The following ANO10 variants were observed in gnomAD, a reference collection of about 807,000 sequenced individuals.
The protein encoded by ANO10 is anoctamin 10.
Under a neutral mutation model 74.7 loss-of-function variants are expected in ANO10, and 77 were observed. The observed-to-expected ratio is 1.03, with a 90% CI of 0.86 to 1.25. ANO10 has a LOEUF of 1.25. Among genes scored for constraint, ANO10 ranks in the 50% most tolerant of loss-of-function variants. ANO10 has a pLI of 0.00. For missense variants in ANO10, 721 were observed against 778.1 expected, an observed-to-expected ratio of 0.93 and a Z score of 0.87; for synonymous variants, 279 against 284.9, an observed-to-expected ratio of 0.98 and a Z score of 0.21.
rs567407396 is a variant in ANO10 at position 43,656,328 on chromosome 3, A to G, written c.-12+35189T>C. 4.8e-4 allele frequency among the ~76,000 whole-genome samples: 73 copies of G among 152,356 alleles called. 1 individual carries two copies. The highest frequency in any genetic ancestry group is 1.7e-3 in the African/African-American group (70 of 41,588). On this transcript the variant is annotated intron_variant, in intron 1 of 3. Coordinates refer to the ANO10 transcript ENST00000413397. ...CCTGAGCTAGACATAAAGGTTCTCC[A>G]CGTCCCCACCAGACTCAGGAGCCCA...
At position 43,595,752 on chromosome 3, in the gene ANO10, T is replaced by C. The variant is rs143118418; in HGVS notation, c.472+2780A>G. On this transcript the variant is annotated intron_variant, in intron 4 of 12. Coordinates refer to ENST00000292246, the MANE Select transcript of ANO10 (RefSeq NM_018075.5). The stretch of plus-strand genomic sequence containing the variant: ...CTCCTATTCAACATAGTGTTGGAAG[T>C]TCTGGCCAGGGCAATCAGGCAGGAG... 7.5e-3 allele frequency among the ~76,000 whole-genome samples: 1,141 copies of C among 152,252 alleles called. 15 individuals carry two copies. The highest frequency in any genetic ancestry group is 0.026 in the African/African-American group (1,068 of 41,534).
chr3:43,487,218 G>A (rs943720436), intron 11 of ANO10, among the ~76,000 whole-genome samples: 1 of 151,606 alleles, frequency 6.6e-6, no homozygotes, highest in African/African-American at 2.4e-5. Context: ...GTATTTTATT[G>A]AGGATTTTTG....
At chr3:43,554,598 C>A (rs1386839985) in intron 10 of ANO10, among the ~76,000 whole-genome samples, 2 of 152,140 alleles carry the variant, frequency 1.3e-5, no homozygotes, top group Non-Finnish European at 2.9e-5. Context: ...ACCATTCCAG[C>A]AAGGGAAGAG....
Position 43,366,664 on chromosome 3 carries a change from G to C in ANO10, c.*242C>G. On this transcript the variant is annotated 3_prime_UTR_variant, in exon 13 of 13. Coordinates refer to ENST00000292246, the MANE Select transcript of ANO10 (RefSeq NM_018075.5). ...AAGTTGGCAGCTGGAGCAGCGTGTGGGGCCCGGGAAGGAACTGGGAAGGAG... is the reference window on the plus strand; with the variant it reads ...AAGTTGGCAGCTGGAGCAGCGTGTGCGGCCCGGGAAGGAACTGGGAAGGAG... 1.7e-6 allele frequency: 1 copy of C among 582,186 alleles called. No homozygotes were observed. The highest frequency in any genetic ancestry group is 2.0e-5 in the South Asian group (1 of 51,004). 36.1% of individuals were successfully genotyped at this position (582,186 alleles called of 1,614,324 possible).
chr3:43,544,654 G>A (rs186660650), intron 11 of ANO10, among the ~76,000 whole-genome samples: 6 of 152,022 alleles, frequency 3.9e-5, no homozygotes, highest in Admixed American at 6.6e-5. Context: ...TTAGCCAAGC[G>A]TGGTGGTGTG....
intron 11 of ANO10, among the ~76,000 whole-genome samples, chr3:43,483,177 T>C (rs138935584): frequency 6.6e-6 from 1 of 152,310 alleles, no homozygotes; most frequent in African/African-American, 2.4e-5. Context: ...TGATCATTCG[T>C]TTTTAAGAAA....
At chr3:43,485,894 C>T (rs1473758725) in intron 11 of ANO10, 7 of 249,890 alleles carry the variant, frequency 2.8e-5, no homozygotes, top group Non-Finnish European at 2.4e-5. Flanking sequence ...GTCCTCTCCG[C>T]GCTCACCGCC....
At chr3:43,429,324 G>A (rs1313175654) in intron 12 of ANO10, among the ~76,000 whole-genome samples, 1 of 152,058 alleles carries the variant, frequency 6.6e-6, no homozygotes, top group East Asian at 1.9e-4. Flanking sequence ...GTAGTAACAT[G>A]AAATCCTGAG....
rs191710456 is a variant in ANO10 at position 43,662,869 on chromosome 3, A to G, written c.-12+28648T>C. ...AGAAGTTGAAGCTCTGAACAGACCAATAACAGGTTCTGAAATTGAGGCAAT... is the reference window on the plus strand; with the variant it reads ...AGAAGTTGAAGCTCTGAACAGACCAGTAACAGGTTCTGAAATTGAGGCAAT... On this transcript the variant is annotated intron_variant, in intron 1 of 3. Transcript: ENST00000413397. Among the ~76,000 whole-genome samples the G allele has an allele frequency of 3.3e-5, 5 of 152,308 alleles. No individual in the cohort carries two copies. The East Asian group carries it at 7.7e-4, about 23-fold the overall frequency.
rs2092751612 is a variant in ANO10, at chr3:43,417,147, A to G, written c.1914+15464T>C. Reference sequence around the variant, plus strand: ...AAGCAGCTCCAAATCATTTTCTAACAAAGAGCAGCCTGTAAAGTCCAGCTG... The same window carrying G: ...AAGCAGCTCCAAATCATTTTCTAACGAAGAGCAGCCTGTAAAGTCCAGCTG... On this transcript the variant is annotated intron_variant, in intron 12 of 12. Coordinates refer to ENST00000292246, the MANE Select transcript of ANO10 (RefSeq NM_018075.5). 3.3e-5 allele frequency among the ~76,000 whole-genome samples: 5 copies of G among 152,202 alleles called. No homozygotes were observed. In the South Asian group the frequency reaches 8.3e-4, roughly 25 times the overall value.
intron 1 of ANO10, among the ~76,000 whole-genome samples, chr3:43,620,348 C>T (rs1400856680): frequency 6.6e-6 from 1 of 152,092 alleles, no homozygotes; most frequent in Non-Finnish European, 1.5e-5. Flanking sequence ...AACAATACTA[C>T]CCTAATTTTG....
intron 11 of ANO10, among the ~76,000 whole-genome samples, chr3:43,444,813 G>A (rs1575827213): frequency 1.3e-5 from 2 of 152,182 alleles, no homozygotes; most frequent in Non-Finnish European, 2.9e-5. Flanking sequence ...AAAAAGCAAG[G>A]CTCAACTATG....
chr3:43,654,143 C>A (rs2083820159), intron 1 of ANO10, among the ~76,000 whole-genome samples: 1 of 152,054 alleles, frequency 6.6e-6, no homozygotes, highest in South Asian at 2.1e-4. Context: ...CTGTTCATTT[C>A]ATTATCACCT....
chr3:43,521,899 CAA>C (rs2077974002), intron 11 of ANO10, among the ~76,000 whole-genome samples: 1 of 151,934 alleles, frequency 6.6e-6, no homozygotes, highest in African/African-American at 2.4e-5. Flanking sequence ...GGAAATAACC[CAA>C]GAGTCCATCA....
intron 11 of ANO10, among the ~76,000 whole-genome samples, chr3:43,446,577 G>A (rs943125251): frequency 6.6e-6 from 1 of 152,074 alleles, no homozygotes. Flanking sequence ...CTTAAGATAT[G>A]CTTGAGGCAC....
intron 1 of ANO10, among the ~76,000 whole-genome samples, chr3:43,610,737 T>C (rs987321738): frequency 1.9e-4 from 29 of 152,370 alleles, no homozygotes; most frequent in African/African-American, 7.0e-4. Flanking sequence ...GATATTTTAG[T>C]AGATTGCTGA....
intron 1 of ANO10, among the ~76,000 whole-genome samples, chr3:43,638,006 T>A (rs1224118808): frequency 6.6e-6 from 1 of 152,214 alleles, no homozygotes; most frequent in Admixed American, 6.5e-5. Context: ...GAAATGTGCA[T>A]ATTTATCTTC....
At chr3:43,593,315 A>C (rs1158115401) in intron 4 of ANO10, among the ~76,000 whole-genome samples, 6 of 152,222 alleles carry the variant, frequency 3.9e-5, no homozygotes, top group African/African-American at 1.4e-4. Context: ...TGTTAGATTC[A>C]CCAAAGTTGA....
chr3:43,522,390 T>C (rs750566711), intron 11 of ANO10, among the ~76,000 whole-genome samples: 3 of 152,196 alleles, frequency 2.0e-5, no homozygotes, highest in African/African-American at 4.8e-5. Flanking sequence ...TTTATGATCA[T>C]AGCAATATTC....
Sources: gnomAD v4.1 joint callset for allele counts (sites outside exome capture counted in the v4.1 genomes callset) on GRCh38, gnomAD v4.1.1 for gene constraint, MANE v1.5 for transcripts, NCBI Gene and HGNC (gene_info 2026-07-23, HGNC 2026-07-21) for gene names.